SLC29A3: variants seen among roughly 807,000 people sequenced by gnomAD.
SLC29A3 encodes solute carrier family 29 member 3.
In SLC29A3, 18 loss-of-function variants were observed where a neutral mutation model predicts 25.4. That is an observed-to-expected ratio of 0.71 (90% CI 0.49 to 1.05). SLC29A3 has a LOEUF of 1.05. SLC29A3 is among the 50% of genes least tolerant of loss of function. SLC29A3 has a pLI of 0.00. For synonymous variants in SLC29A3, 258 were observed against 267.1 expected, an observed-to-expected ratio of 0.97 and a Z score of 0.33; for missense variants, 586 against 609.0, an observed-to-expected ratio of 0.96 and a Z score of 0.40.
At chr10:71,374,098 T>C (rs1847232531) in intron 3 of SLC29A3, among the ~76,000 whole-genome samples, 1 of 152,242 alleles carries the variant, frequency 6.6e-6, no homozygotes, top group Admixed American at 6.5e-5. Flanking sequence ...ACACCTGGTA[T>C]AGGGCCTCCA....
chr10:71,329,449 C>T (rs930932248), intron 2 of SLC29A3, among the ~76,000 whole-genome samples: 1 of 127,690 alleles, frequency 7.8e-6, no homozygotes, highest in African/African-American at 3.5e-5. Context: ...CAGAGCAAGA[C>T]TCTGTCTCAA....
Position 71,323,049 on chromosome 10 carries a change from A to G in SLC29A3, c.295A>G (p.Ile99Val), listed in dbSNP as rs765372671. 1 of 1,613,006 alleles carries G rather than the reference A, an allele frequency of 6.2e-7. No homozygotes were observed. The highest frequency in any genetic ancestry group is 8.5e-7 in the Non-Finnish European group (1 of 1,180,030). Residue 99 changes from isoleucine (I) to valine (V), a missense_variant, in exon 2 of 6, where the codon ATC (isoleucine) becomes GTC (valine). Physicochemically the swap from Ile to Val is conservative, Grantham distance 29 (BLOSUM62 3). Coordinates refer to ENST00000373189, the MANE Select transcript of SLC29A3 (RefSeq NM_018344.6). The part of the protein sequence containing the change: ...ATGEDPEGSD[I>V]LNYFESYLAV... ...CGGGGAGGACCCTGAGGGCTCAGAC[A>G]TCCTGGTAAGGGCATGTTTCTCCTG...
Position 71,322,843 on chromosome 10 carries a change from C to T in SLC29A3, c.89C>T (p.Ala30Val), listed in dbSNP as rs564350775. The change falls in exon 2 of 6, where the codon GCA becomes GTA. Residue 30 changes from alanine (A) to valine (V), a missense_variant. By Grantham distance (64) the Ala-to-Val change is moderately conservative. Coordinates refer to ENST00000373189, the MANE Select transcript of SLC29A3 (RefSeq NM_018344.6). Reference protein sequence around the residue: ...TSSSLRADQEALLEKLLDRPP... With the variant: ...TSSSLRADQEVLLEKLLDRPP... ...AGCAGTCTCCGAGCTGACCAGGAGGCACTGCTTGAGAAGCTGCTGGACCGC... is the reference window on the plus strand; with the variant it reads ...AGCAGTCTCCGAGCTGACCAGGAGGTACTGCTTGAGAAGCTGCTGGACCGC... 2.2e-5 allele frequency: 36 copies of T among 1,614,232 alleles called. No homozygotes were observed. In the South Asian group the frequency reaches 3.7e-4, roughly 17 times the overall value.
Position 71,356,532 on chromosome 10 carries a change from T to C in SLC29A3, c.773+289T>C, listed in dbSNP as rs980334132. ...GCTTGATGTGTCCTACCTCATACAA[T>C]GCTCACACCTCTATCCAGGCACCGT... On this transcript the variant is annotated intron_variant, in intron 5 of 5. Coordinates refer to ENST00000373189, the MANE Select transcript of SLC29A3 (RefSeq NM_018344.6). Among the ~76,000 whole-genome samples, 6 of 152,202 alleles carry C rather than the reference T, an allele frequency of 3.9e-5. 1 individual carries two copies. Among genetic ancestry groups the C allele is most frequent in the African/African-American group, 1.4e-4 (6 of 41,460 alleles).
chr10:71,324,416 G>T (rs1222655780), intron 2 of SLC29A3, among the ~76,000 whole-genome samples: 1 of 152,154 alleles, frequency 6.6e-6, no homozygotes, highest in Admixed American at 6.5e-5. Flanking sequence ...TATATGGGGG[G>T]ATCCTGGAAC....
At chr10:71,377,570 G>C (rs1239490955) in intron 4 of SLC29A3, among the ~76,000 whole-genome samples, 1 of 152,198 alleles carries the variant, frequency 6.6e-6, no homozygotes, top group Non-Finnish European at 1.5e-5. Flanking sequence ...ACCCGGCAAC[G>C]AGGTGGACGC....
chr10:71,328,312 TG>T (rs890671980), intron 2 of SLC29A3, among the ~76,000 whole-genome samples: 1 of 152,172 alleles, frequency 6.6e-6, no homozygotes, highest in Non-Finnish European at 1.5e-5. Flanking sequence ...AGCTCATCCC[TG>T]GGCACGTCCC....
intron 5 of SLC29A3, among the ~76,000 whole-genome samples, chr10:71,361,460 C>T (rs79441006): frequency 0.016 from 2,469 of 152,258 alleles, 71 homozygotes; most frequent in African/African-American, 0.056. Context: ...TCATGCCCGG[C>T]CTAGAATGTT....
At chr10:71,354,203 G>A (rs1890885) in intron 4 of SLC29A3, among the ~76,000 whole-genome samples, 1,684 of 152,262 alleles carry the variant, frequency 0.011, 31 homozygotes, top group African/African-American at 0.038. Context: ...AGTGCTTCAC[G>A]TGTAATAATC....
At chr10:71,353,944 T>A (rs1846829110) in intron 4 of SLC29A3, among the ~76,000 whole-genome samples, 2 of 152,016 alleles carry the variant, frequency 1.3e-5, no homozygotes, top group South Asian at 4.1e-4. Flanking sequence ...GAGAGGAAAA[T>A]CAGTAGGCAG....
downstream of SLC29A3, among the ~76,000 whole-genome samples, chr10:71,367,124 A>C (rs1847176832): frequency 6.6e-6 from 1 of 152,090 alleles, no homozygotes; most frequent in Non-Finnish European, 1.5e-5. Context: ...CTTTCAAAGA[A>C]GTGGAGGAGG....
chr10:71,360,134 C>CTTTTTT (rs10532475), intron 5 of SLC29A3, among the ~76,000 whole-genome samples: 6 of 71,492 alleles, frequency 8.4e-5, no homozygotes, highest in East Asian at 4.2e-4. Flanking sequence ...TCTTCTTCTT[C>CTTTTTT]TTTTTTTTTT....
chr10:71,319,308 A>G lies in SLC29A3; in HGVS notation c.-2A>G. 1.5e-6 allele frequency: 1 copy of G among 646,630 alleles called. No individual in the cohort carries two copies. 40.1% of individuals were successfully genotyped at this position (646,630 alleles called of 1,614,324 possible). On this transcript the variant is annotated splice_region_variant and 5_prime_UTR_variant, in exon 1 of 6. Coordinates refer to ENST00000373189, the MANE Select transcript of SLC29A3 (RefSeq NM_018344.6). ...GCAGCGGCGGCGTGGCGCAGCGGCG[A>G]CAGTAAGTGCGGGCCGGCTCGGGCT...
At position 71,350,107 on chromosome 10, in the gene SLC29A3, G is replaced by A. The variant is rs114449335; in HGVS notation, c.384-1455G>A. ...ATGGGCTGGGGCTCAGCACACCTGG[G>A]TTCTCATCCCAGCTCCCTACAGACT... On this transcript the variant is annotated intron_variant, in intron 3 of 5. Coordinates refer to ENST00000373189, the MANE Select transcript of SLC29A3 (RefSeq NM_018344.6). Among the ~76,000 whole-genome samples, 367 of 152,302 alleles carry A rather than the reference G, an allele frequency of 2.4e-3. 1 individual carries two copies. Among genetic ancestry groups the A allele is most frequent in the African/African-American group, 8.3e-3 (346 of 41,556 alleles).
rs387907067 is a variant in SLC29A3 at position 71,362,267 on chromosome 10, C to T, written c.1087C>T (p.Arg363Trp). The T allele has an allele frequency of 1.4e-5, 23 of 1,613,996 alleles. No individual in the cohort carries two copies. In the Admixed American group the frequency reaches 2.7e-4, roughly 19 times the overall value. ...LLYNFADLCG[R>W]QLTAWIQVPG... ...GTACAACTTTGCTGACCTATGTGGC[C>T]GGCAGCTCACCGCCTGGATCCAGGT... Residue 363 changes from arginine to tryptophan, a missense_variant, in exon 6 of 6, where the codon CGG becomes TGG. By Grantham distance (101) the Arg-to-Trp change is moderately radical. Transcript: ENST00000373189.
intron 2 of SLC29A3, among the ~76,000 whole-genome samples, chr10:71,332,014 T>C (rs1846128961): frequency 6.6e-6 from 1 of 152,184 alleles, no homozygotes; most frequent in East Asian, 1.9e-4. Flanking sequence ...GTCTCTCCTT[T>C]GTGCCAGGTG....
chr10:71,334,167 G>T (rs12251921), intron 2 of SLC29A3, among the ~76,000 whole-genome samples: 6,021 of 152,312 alleles, frequency 0.04, 399 homozygotes, highest in African/African-American at 0.14. Flanking sequence ...TGAGACCGTA[G>T]ATTGGGACCC....
At chr10:71,339,042 G>A (rs1395608678) in intron 2 of SLC29A3, among the ~76,000 whole-genome samples, 5 of 152,210 alleles carry the variant, frequency 3.3e-5, no homozygotes, top group East Asian at 3.8e-4. Flanking sequence ...GTCTCCACCC[G>A]GTCTCTGCCC....
Position 71,332,948 on chromosome 10 carries a change from G to A in SLC29A3, c.300+9894G>A, listed in dbSNP as rs140278207. Reference sequence around the variant, plus strand: ...TGCTCACGACCCTTCTTCCCCACCCGCGCTGCGCTCCCTTGCCCTCCAGGC... The same window carrying A: ...TGCTCACGACCCTTCTTCCCCACCCACGCTGCGCTCCCTTGCCCTCCAGGC... On this transcript the variant is annotated intron_variant, in intron 2 of 5. Coordinates refer to ENST00000373189, the MANE Select transcript of SLC29A3 (RefSeq NM_018344.6). Among the ~76,000 whole-genome samples the A allele has an allele frequency of 1.5e-4, 23 of 152,212 alleles. No homozygotes were observed. In the East Asian group the frequency reaches 2.5e-3, roughly 17 times the overall value.
Sources: gnomAD v4.1 joint callset for allele counts (sites outside exome capture counted in the v4.1 genomes callset) on GRCh38, gnomAD v4.1.1 for gene constraint, MANE v1.5 for transcripts, NCBI Gene and HGNC (gene_info 2026-07-23, HGNC 2026-07-21) for gene names.